Variants in DIAPH3 observed in about 807,000 individuals in gnomAD.
DIAPH3 encodes protein diaphanous homolog 3.
DIAPH3 carries 117 observed loss-of-function variants against 144.3 expected under a neutral mutation model. That is an observed-to-expected ratio of 0.81 (90% CI 0.70 to 0.95). The LOEUF (loss-of-function observed/expected upper bound fraction) is 0.95. Among genes scored for constraint, DIAPH3 ranks in the 40% least tolerant of loss-of-function variants. The pLI, the probability that DIAPH3 is intolerant of heterozygous loss-of-function variation, is 0.00. For missense variants in DIAPH3, 1,421 were observed against 1,412.7 expected (o/e 1.01, Z -0.09); for synonymous variants, 519 against 488.9 (o/e 1.06, Z -0.81).
chr13:59,898,162 A>G (rs2046233972), intron 20 of DIAPH3, among the ~76,000 whole-genome samples: 1 of 147,280 alleles, frequency 6.8e-6, no homozygotes, highest in Non-Finnish European at 1.5e-5. Context: ...AAAAAGAAAA[A>G]GAAAAAAGAA....
At chr13:60,052,968 A>AAAAAAAAAAAAAAAAAAAAAAG in intron 4 of DIAPH3, among the ~76,000 whole-genome samples, 1 of 146,738 alleles carries the variant, frequency 6.8e-6, no homozygotes, top group Admixed American at 6.8e-5. Context: ...TTAAAAAAAA[A>AAAAAAAAAAAAAAAAAAAAAAG]AAAAAAAAAA....
At chr13:59,933,204 C>G (rs557975442) in intron 17 of DIAPH3, among the ~76,000 whole-genome samples, 1 of 152,344 alleles carries the variant, frequency 6.6e-6, no homozygotes, top group South Asian at 2.1e-4. Context: ...GGTCCTCTGT[C>G]TGGGAACTCA....
chr13:60,007,722 A>T (rs2052971440), intron 9 of DIAPH3, among the ~76,000 whole-genome samples: 3 of 152,098 alleles, frequency 2.0e-5, no homozygotes, highest in Non-Finnish European at 4.4e-5. Context: ...TCCTTTTTTT[A>T]AAAAAAGAAA....
intron 24 of DIAPH3, among the ~76,000 whole-genome samples, chr13:59,813,626 C>A (rs556730995): frequency 6.6e-6 from 1 of 151,906 alleles, no homozygotes; most frequent in Non-Finnish European, 1.5e-5. Context: ...GAGGCCAAGG[C>A]GGGTGGATCA....
chr13:59,960,029 C>A (rs1385194334), intron 17 of DIAPH3, among the ~76,000 whole-genome samples: 1 of 152,138 alleles, frequency 6.6e-6, no homozygotes, highest in South Asian at 2.1e-4. Context: ...TCATTCCCTG[C>A]AGGCAAATTT....
At chr13:59,719,659 T>C (rs1057298741) in intron 27 of DIAPH3, among the ~76,000 whole-genome samples, 6 of 152,064 alleles carry the variant, frequency 3.9e-5, no homozygotes, top group Non-Finnish European at 7.4e-5. Context: ...TCCTTCTTGG[T>C]GTTGGAGAAA....
At position 59,865,874 on chromosome 13, in the gene DIAPH3, G is replaced by A. The variant is rs9598063; in HGVS notation, c.2608-4338C>T. ...TAAAATAAAAACTAAGCATCTTCGTGATCTTCAGAAGTCAAGGAACTGGAA... is the reference window on the plus strand; with the variant it reads ...TAAAATAAAAACTAAGCATCTTCGTAATCTTCAGAAGTCAAGGAACTGGAA... On this transcript the variant is annotated intron_variant, in intron 21 of 27. Transcript: ENST00000400324. 8.4e-3 allele frequency among the ~76,000 whole-genome samples: 1,272 copies of A among 152,022 alleles called. 13 individuals carry two copies. Among genetic ancestry groups the A allele is most frequent in the South Asian group, 0.016 (78 of 4,820 alleles).
chr13:59,981,246 A>G (rs1162360559), intron 13 of DIAPH3, among the ~76,000 whole-genome samples: 1 of 151,488 alleles, frequency 6.6e-6, no homozygotes, highest in African/African-American at 2.4e-5. Flanking sequence ...ATACTAAAAA[A>G]TCACCAAAAC....
intron 5 of DIAPH3, among the ~76,000 whole-genome samples, chr13:60,031,732 CTTTTTTTTTTTTTT>C (rs1165739891): frequency 1.5e-5 from 1 of 64,668 alleles, no homozygotes; most frequent in Non-Finnish European, 2.6e-5. Context: ...GTCATTAAAT[CTTTTTTTTTTTTTT>C]TTTTTTTTTT....
chr13:59,864,979 T>C (rs1046785618), intron 21 of DIAPH3, among the ~76,000 whole-genome samples: 1 of 151,882 alleles, frequency 6.6e-6, no homozygotes, highest in Non-Finnish European at 1.5e-5. Context: ...AAATAAGAGG[T>C]TCAGAAAAGA....
intron 22 of DIAPH3, among the ~76,000 whole-genome samples, chr13:59,856,604 C>T (rs912589015): frequency 2.2e-4 from 33 of 152,148 alleles, no homozygotes; most frequent in Admixed American, 1.6e-3. Context: ...CTTATAAGGA[C>T]ACAGGTCAGA....
chr13:59,861,420 G>A lies in DIAPH3; in HGVS notation c.2724C>T (p.Asp908=). ...LNFVDDLEPL[D]KASKVSVETL... The stretch of plus-strand genomic sequence containing the variant: ...AAAGGCACAAACCTTTACTAGCTTT[G>A]TCTAAAGGTTCCAAATCATCCACAA... The change falls in exon 22 of 28, where the codon GAC becomes GAT. Residue 908 remains aspartate (D), a synonymous_variant. Coordinates refer to ENST00000400324, the MANE Select transcript of DIAPH3 (RefSeq NM_001042517.2). The A allele has an allele frequency of 6.2e-7, 1 of 1,613,704 alleles. No individual in the cohort carries two copies. Among genetic ancestry groups the A allele is most frequent in the Non-Finnish European group, 8.5e-7 (1 of 1,179,864 alleles).
Position 60,163,858 on chromosome 13 carries a change from G to A in DIAPH3, c.-92C>T, listed in dbSNP as rs1195421962. On this transcript the variant is annotated 5_prime_UTR_variant, in exon 1 of 28. Transcript: ENST00000400324. ...GGGATCGACAACAGGTTTTACTCCC[G>A]GGGTCCGCCACCCAAACAGTCAGCA... is the stretch of plus-strand genomic sequence containing the variant. 4 of 1,475,224 alleles carry A rather than the reference G, an allele frequency of 2.7e-6. No homozygotes were observed. The highest frequency in any genetic ancestry group is 1.4e-5 in the African/African-American group (1 of 71,342). 91.4% of individuals were successfully genotyped at this position (1,475,224 alleles called of 1,614,324 possible). A position where few individuals can be genotyped will look rare whatever the true frequency, so the allele number is the denominator to read the frequency against.
chr13:59,809,548 A>C (rs2040368351), intron 25 of DIAPH3, among the ~76,000 whole-genome samples: 1 of 152,078 alleles, frequency 6.6e-6, no homozygotes, highest in African/African-American at 2.4e-5. Flanking sequence ...AATCTTCTGT[A>C]AATTAGGAAG....
intron 25 of DIAPH3, among the ~76,000 whole-genome samples, chr13:59,801,487 A>T (rs1212471265): frequency 6.6e-6 from 1 of 152,228 alleles, no homozygotes; most frequent in African/African-American, 2.4e-5. Flanking sequence ...GTTTAAAAAT[A>T]AACATTCAAA....
intron 5 of DIAPH3, among the ~76,000 whole-genome samples, chr13:60,041,707 A>C (rs1050192974): frequency 1.3e-5 from 2 of 152,190 alleles, no homozygotes; most frequent in African/African-American, 2.4e-5. Flanking sequence ...ACATGACTAC[A>C]TATACATATA....
chr13:59,709,328 T>C (rs543131633), intron 27 of DIAPH3, among the ~76,000 whole-genome samples: 4 of 151,764 alleles, frequency 2.6e-5, no homozygotes, highest in Admixed American at 2.6e-4. Flanking sequence ...TGGGAGAAAA[T>C]TTTCGCAACC....
rs2039899246 is a variant in DIAPH3 at position 59,801,541 on chromosome 13, G to A, written c.3163+9247C>T. The stretch of plus-strand genomic sequence containing the variant: ...ATTACTGTCACTTATACCCATTAAT[G>A]ATAATTATTATTGGAAGTTCTATGA... On this transcript the variant is annotated intron_variant, in intron 25 of 27. Transcript: ENST00000400324. Among the ~76,000 whole-genome samples the A allele has an allele frequency of 2.0e-5, 3 of 152,150 alleles. No individual in the cohort carries two copies. In the South Asian group the frequency reaches 6.2e-4, roughly 32 times the overall value.
intron 17 of DIAPH3, among the ~76,000 whole-genome samples, chr13:59,929,896 T>C (rs1379554348): frequency 1.3e-5 from 2 of 152,102 alleles, no homozygotes; most frequent in African/African-American, 2.4e-5. Flanking sequence ...ACATGAACTT[T>C]AGAGCAATCC....
Sources: gnomAD v4.1 joint callset for allele counts (sites outside exome capture counted in the v4.1 genomes callset) on GRCh38, gnomAD v4.1.1 for gene constraint, MANE v1.5 for transcripts, NCBI Gene and HGNC (gene_info 2026-07-23, HGNC 2026-07-21) for gene names.